RNF213: variants seen among roughly 807,000 people sequenced by gnomAD.
RNF213 encodes the protein ring finger protein 213.
A neutral mutation model predicts 514.4 loss-of-function variants in RNF213; 341 were observed. The ratio of observed to expected loss-of-function variants is 0.66; its 90% CI spans 0.61 to 0.73. The LOEUF (loss-of-function observed/expected upper bound fraction) is 0.73, where lower values mean the gene tolerates loss of function less well. Ranked by LOEUF, RNF213 falls within the 30% of genes least tolerant of loss-of-function variation. RNF213 has a pLI of 0.00. For synonymous variants in RNF213, 2,655 were observed against 2,658.2 expected (o/e 1.00, Z 0.04); for missense variants, 5,767 against 6,615.6 (o/e 0.87, Z 4.45).
intron 3 of RNF213, among the ~76,000 whole-genome samples, chr17:80,273,607 C>CACCGTCTTT (rs2043906536): frequency 6.7e-6 from 1 of 148,450 alleles, no homozygotes; most frequent in Non-Finnish European, 1.5e-5. Flanking sequence ...CTGGGGCCTC[C>CACCGTCTTT]ACCGTCTTTT....
At chr17:80,328,586 A>AC (rs1341748864) in intron 20 of RNF213, 109 bp downstream of exon 20, 1 of 1,218,410 alleles carries the variant, frequency 8.2e-7, no homozygotes. Flanking sequence ...GAAGGCTTTA[A>AC]AATTTTTTTT....
intron 61 of RNF213, 118 bp from the exon 62 acceptor site, chr17:80,386,132 G>A (rs2080226441): frequency 5.1e-6 from 5 of 983,180 alleles, no homozygotes; most frequent in East Asian, 4.8e-5. Flanking sequence ...GGGCAGAACC[G>A]AGACCCGGCT....
At chr17:80,388,730 C>T in intron 64 of RNF213, 41 bp downstream of exon 64, 6 of 1,430,360 alleles carry the variant, frequency 4.2e-6, no homozygotes, top group East Asian at 4.5e-5. Context: ...GGGCTTTCTG[C>T]CTTCTCAGTG....
At chr17:80,274,005 G>C (rs2043926104) in intron 3 of RNF213, among the ~76,000 whole-genome samples, 1 of 152,190 alleles carries the variant, frequency 6.6e-6, no homozygotes, top group Non-Finnish European at 1.5e-5. Flanking sequence ...CTTCTGCCGT[G>C]TGTATCTGTG....
At chr17:80,370,042 A>G (rs1200761865) in intron 46 of RNF213, among the ~76,000 whole-genome samples, 175 bp downstream of exon 46, 1 of 152,218 alleles carries the variant, frequency 6.6e-6, no homozygotes, top group Non-Finnish European at 1.5e-5. Flanking sequence ...ACATTTTCAC[A>G]TATAGGCACA....
chr17:80,369,601 G>A lies in RNF213; in HGVS notation c.12255G>A (p.Glu4085=). Residue 4085 remains glutamate, a synonymous_variant, in exon 45 of 68, where the codon GAG becomes GAA. Coordinates refer to ENST00000582970, the MANE Select transcript of RNF213 (RefSeq NM_001256071.3). The part of the protein sequence containing the change: ...TICFKDNAPP[E]KEVIESLLSL... ...GCTTCAAGGACAACGCTCCGCCTGA[G>A]AAGGAAGTGATTGAGAGCCTGCTCT... The A allele has an allele frequency of 1.9e-6, 3 of 1,614,262 alleles. No individual in the cohort carries two copies. The highest frequency in any genetic ancestry group is 2.5e-6 in the Non-Finnish European group (3 of 1,180,042).
Position 80,349,907 on chromosome 17 carries a change from G to T in RNF213, c.10088+1G>T, listed in dbSNP as rs1184365582. ...AGTACTCATTCCTCAAAGAAGTCCG[G>T]TGAGGTTCCCTGCCTTCCCTGCTGC... On this transcript the variant is annotated splice_donor_variant, in intron 30 of 67. Transcript: ENST00000582970. LOFTEE classifies it high-confidence loss of function. 1.2e-6 allele frequency: 2 copies of T among 1,613,148 alleles called. No homozygotes were observed. The highest frequency in any genetic ancestry group is 1.7e-6 in the Non-Finnish European group (2 of 1,179,810).
chr17:80,294,724 G>A lies in RNF213; in HGVS notation c.1476G>A (p.Trp492Ter). Residue 492 changes from tryptophan to a stop codon, truncating the protein, a stop_gained, in exon 9 of 68, where the codon TGG becomes TGA. Transcript: ENST00000582970. LOFTEE classifies it high-confidence loss of function. Reference sequence around the variant, plus strand: ...TGTTCCTTCTGTCCCTCTTAGACTGGCATCAGTACTATGACATAGTTTATA... The same window carrying A: ...TGTTCCTTCTGTCCCTCTTAGACTGACATCAGTACTATGACATAGTTTATA... ...IKSSLLGSGD[W>*]HQYYDIVYMK... 1 of 1,613,904 alleles carries A rather than the reference G, an allele frequency of 6.2e-7. No individual in the cohort carries two copies. The highest frequency in any genetic ancestry group is 8.5e-7 in the Non-Finnish European group (1 of 1,180,024).
In RNF213 at chr17:80,383,020, AG is replaced by A; in HGVS notation, c.14022del (p.Asn4675ThrfsTer10). The A allele has an allele frequency of 6.2e-7, 1 of 1,614,010 alleles. No individual in the cohort carries two copies. Among genetic ancestry groups the A allele is most frequent in the Non-Finnish European group, 8.5e-7 (1 of 1,179,888 alleles). On this transcript the variant is annotated frameshift_variant, in exon 58 of 68. Transcript: ENST00000582970. LOFTEE classifies it high-confidence loss of function. ...CACAGAATTGTCAACTAAAGAAATGAGGAACAACTGGGAAAAGGAAATCGCA... is the reference window on the plus strand; with the variant it reads ...CACAGAATTGTCAACTAAAGAAATGAGAACAACTGGGAAAAGGAAATCGCA... The part of the protein sequence containing the change: ...FDTELSTKEM[R>X]NNWEKEIAAV...
chr17:80,331,736 TG>T (rs1338734289), intron 20 of RNF213, among the ~76,000 whole-genome samples: 1 of 151,976 alleles, frequency 6.6e-6, no homozygotes. Context: ...GTCATTGGAG[TG>T]GGGTTTGGCA....
chr17:80,280,110 G>A (rs936134500), intron 3 of RNF213, among the ~76,000 whole-genome samples: 1 of 149,760 alleles, frequency 6.7e-6, no homozygotes, highest in African/African-American at 2.5e-5. Context: ...GCTGGGGCTT[G>A]GCCGTGAGCC....
chr17:80,331,744 G>A (rs1016234489), intron 20 of RNF213, among the ~76,000 whole-genome samples: 1 of 152,156 alleles, frequency 6.6e-6, no homozygotes, highest in African/African-American at 2.4e-5. Flanking sequence ...AGTGGGGTTT[G>A]GCAAAGAGAG....
chr17:80,286,331 T>G (rs903343071), intron 3 of RNF213, among the ~76,000 whole-genome samples: 13 of 152,132 alleles, frequency 8.5e-5, no homozygotes, highest in Admixed American at 7.2e-4. Flanking sequence ...GAGCATGGGT[T>G]TCCTCTGAAT....
chr17:80,332,034 C>T lies in RNF213; in HGVS notation c.3546C>T (p.His1182=), dbSNP rs972017256. Residue 1182 remains histidine, a synonymous_variant, in exon 21 of 68, where the codon CAC becomes CAT. Transcript: ENST00000582970. ...ACTTTGGAGTGCTTGCAGTAAGACACTCACAAGACCTCAGCAGTAAAAGAT... is the reference window on the plus strand; with the variant it reads ...ACTTTGGAGTGCTTGCAGTAAGACATTCACAAGACCTCAGCAGTAAAAGAT... ...QVDFGVLAVR[H]SQDLSSKRLN... is the part of the protein sequence containing the mutation. The T allele has an allele frequency of 1.3e-6, 2 of 1,536,720 alleles. No individual in the cohort carries two copies. The highest frequency in any genetic ancestry group is 1.4e-5 in the African/African-American group (1 of 73,042).
Position 80,346,663 on chromosome 17 carries a change from T to C in RNF213, c.8328T>C (p.Ser2776=), listed in dbSNP as rs767106950. The C allele has an allele frequency of 6.2e-7, 1 of 1,611,636 alleles. No individual in the cohort carries two copies. The highest frequency in any genetic ancestry group is 1.1e-5 in the South Asian group (1 of 91,072). ...TGGGGAAGCCCGGCAGCTCCAAGTC[T>C]CTCGCCAAGACCATCGTGGCAGACG... ...FLVGKPGSSK[S]LAKTIVADAM... The change falls in exon 29 of 68, where the codon TCT becomes TCC. Residue 2776 remains serine (S), a synonymous_variant. Coordinates refer to ENST00000582970, the MANE Select transcript of RNF213 (RefSeq NM_001256071.3). The surrounding 1 kb of genome is among the most constrained non-coding windows in gnomAD (Gnocchi z 8.1).
chr17:80,356,248 C>T (rs1231584387), intron 36 of RNF213, among the ~76,000 whole-genome samples: 3 of 152,198 alleles, frequency 2.0e-5, no homozygotes, highest in East Asian at 1.9e-4. Context: ...GTGATCCACT[C>T]GCCTCAGCCT....
At position 80,381,739 on chromosome 17, in the gene RNF213, G is replaced by A; in HGVS notation, c.13978+12G>A. ...GCTCTCTAGCAGAAGTGAGGAAAGG[G>A]GCAAGGGCTGGGCGGGGATCACACA... On this transcript the variant is annotated intron_variant, in intron 57 of 67. Transcript: ENST00000582970. 6.2e-7 allele frequency: 1 copy of A among 1,610,734 alleles called. No homozygotes were observed. The highest frequency in any genetic ancestry group is 1.1e-5 in the South Asian group (1 of 90,748).
chr17:80,297,786 CA>C (rs550895440), intron 10 of RNF213, among the ~76,000 whole-genome samples: 17,402 of 98,148 alleles, frequency 0.18, 1,052 homozygotes, highest in African/African-American at 0.24. Context: ...GACTCCGTCT[CA>C]AAAAAAAAAA....
chr17:80,381,405 C>T (rs1048386274), intron 56 of RNF213, 142 bp from the exon 57 acceptor site: 8 of 861,618 alleles, frequency 9.3e-6, no homozygotes, highest in African/African-American at 3.3e-5. Context: ...CTTCCTTTCA[C>T]CTGGATCACT....
Sources: allele counts gnomAD v4.1 joint callset (sites outside exome capture counted in the v4.1 genomes callset), GRCh38; gene constraint gnomAD v4.1.1; non-coding constraint Gnocchi (gnomAD v3.1); transcripts MANE v1.5; gene names NCBI Gene and HGNC (gene_info 2026-07-23, HGNC 2026-07-21).